CAMK1D: variants seen among roughly 807,000 people sequenced by gnomAD.
The protein encoded by CAMK1D is calcium/calmodulin-dependent protein kinase type 1D.
A neutral mutation model predicts 47.7 loss-of-function variants in CAMK1D; 9 were observed. That is an observed-to-expected ratio of 0.19 (90% CI 0.11 to 0.33). The LOEUF (loss-of-function observed/expected upper bound fraction) is 0.33. Ranked by LOEUF, CAMK1D falls within the 10% of genes least tolerant of loss-of-function variation. The pLI, the probability that CAMK1D is intolerant of heterozygous loss-of-function variation, is 1.00. For synonymous variants in CAMK1D, 184 were observed against 184.9 expected (o/e 0.99, Z 0.04); for missense variants, 291 against 488.7 (o/e 0.60, Z 3.81).
rs117899224 is a variant in CAMK1D, at chr10:12,431,698, A to C, written c.92+81788A>C. On this transcript the variant is annotated intron_variant, in intron 1 of 10. Transcript: ENST00000619168. ...GTTCCCTGCTTTAATAAAGCCTCTGATCTCACCCGCATGACCCGGTCTGAC... is the reference window on the plus strand; with the variant it reads ...GTTCCCTGCTTTAATAAAGCCTCTGCTCTCACCCGCATGACCCGGTCTGAC... Among the ~76,000 whole-genome samples, 354 of 152,246 alleles carry C rather than the reference A, an allele frequency of 2.3e-3. 5 individuals are homozygous for C. The highest frequency in any genetic ancestry group is 0.021 in the East Asian group (108 of 5,178).
intron 3 of CAMK1D, among the ~76,000 whole-genome samples, chr10:12,680,754 T>G (rs1441010805): frequency 2.6e-5 from 4 of 152,104 alleles, no homozygotes; most frequent in African/African-American, 9.7e-5. Flanking sequence ...CCCCTTTTGC[T>G]ACATCCGGAT....
chr10:12,799,378 A>T (rs1424128029), intron 6 of CAMK1D, among the ~76,000 whole-genome samples: 1 of 152,114 alleles, frequency 6.6e-6, no homozygotes. Flanking sequence ...GCAGATGCGT[A>T]ACTGCTTACC....
chr10:12,485,411 G>A (rs1834184993), intron 1 of CAMK1D, among the ~76,000 whole-genome samples: 1 of 152,160 alleles, frequency 6.6e-6, no homozygotes, highest in African/African-American at 2.4e-5. Flanking sequence ...GAAACAGGCA[G>A]CACAATGGTG....
At chr10:12,613,504 A>C (rs992176405) in intron 2 of CAMK1D, among the ~76,000 whole-genome samples, 2 of 152,250 alleles carry the variant, frequency 1.3e-5, no homozygotes, top group African/African-American at 4.8e-5. Flanking sequence ...TTGTCCATAC[A>C]GTGGTTGAGA....
chr10:12,734,443 CATATGTGTATATATACACAT>C (rs1320013945), intron 3 of CAMK1D, among the ~76,000 whole-genome samples: 10 of 5,268 alleles, frequency 1.9e-3, no homozygotes, highest in African/African-American at 2.3e-3. Context: ...TACACACACA[CATATGTGTATATATACACAT>C]ACACATATGT....
At chr10:12,481,060 T>G (rs1000472430) in intron 1 of CAMK1D, among the ~76,000 whole-genome samples, 4 of 152,146 alleles carry the variant, frequency 2.6e-5, no homozygotes, top group African/African-American at 9.7e-5. Context: ...TTTATAAAAC[T>G]AATGAAAGGC....
chr10:12,372,210 A>G (rs530513363), intron 1 of CAMK1D, among the ~76,000 whole-genome samples: 1 of 152,302 alleles, frequency 6.6e-6, no homozygotes, highest in African/African-American at 2.4e-5. Flanking sequence ...TAAAAGATGC[A>G]TTTCTCAGAA....
At chr10:12,605,972 A>C (rs1009711198) in intron 2 of CAMK1D, among the ~76,000 whole-genome samples, 1 of 152,234 alleles carries the variant, frequency 6.6e-6, no homozygotes, top group Non-Finnish European at 1.5e-5. Context: ...GCCACGGGGC[A>C]GAATTTGGCC....
intron 1 of CAMK1D, among the ~76,000 whole-genome samples, chr10:12,436,942 A>T (rs1307033558): frequency 6.6e-6 from 1 of 152,178 alleles, no homozygotes; most frequent in African/African-American, 2.4e-5. Flanking sequence ...GAGCAAAATC[A>T]GCACAGGGGA....
intron 3 of CAMK1D, among the ~76,000 whole-genome samples, chr10:12,735,334 C>G (rs890852903): frequency 2.6e-5 from 4 of 151,992 alleles, no homozygotes; most frequent in African/African-American, 9.7e-5. Flanking sequence ...AAAAATTAGC[C>G]GGGCGTGGTG....
intron 1 of CAMK1D, among the ~76,000 whole-genome samples, chr10:12,381,997 T>G (rs748724727): frequency 2.6e-5 from 4 of 152,212 alleles, no homozygotes; most frequent in Non-Finnish European, 4.4e-5. Context: ...TCCACACCAG[T>G]CCATTTTCCT....
chr10:12,726,443 A>G lies in CAMK1D; in HGVS notation c.300-34505A>G, dbSNP rs1251207765. Among the ~76,000 whole-genome samples, 7 of 152,012 alleles carry G rather than the reference A, an allele frequency of 4.6e-5. 1 individual carries two copies. The South Asian group carries it at 1.2e-3, about 27-fold the overall frequency. On this transcript the variant is annotated intron_variant, in intron 3 of 10. Coordinates refer to ENST00000619168, the MANE Select transcript of CAMK1D (RefSeq NM_153498.4). ...CTCAAAAAATAAAATAAATAAGTAA[A>G]AAAATTAAAAAAAGAAGGGAATACT...
intron 1 of CAMK1D, among the ~76,000 whole-genome samples, chr10:12,502,248 A>C (rs1004410639): frequency 1.3e-5 from 2 of 152,180 alleles, no homozygotes; most frequent in African/African-American, 2.4e-5. Context: ...AAGGTATTCA[A>C]TGGTGCTGGG....
intron 2 of CAMK1D, among the ~76,000 whole-genome samples, chr10:12,657,397 C>G (rs1840147838): frequency 6.7e-6 from 1 of 148,962 alleles, no homozygotes; most frequent in Admixed American, 6.7e-5. Context: ...TGCACTCCAG[C>G]CTAGTGATGG....
intron 6 of CAMK1D, among the ~76,000 whole-genome samples, chr10:12,810,151 T>TTAAAAAAA (rs1554829102): frequency 1.2e-4 from 10 of 81,418 alleles, no homozygotes; most frequent in African/African-American, 6.1e-4. Context: ...CCTGTCTCAT[T>TTAAAAAAA]AAAAAAAAAA....
intron 8 of CAMK1D, among the ~76,000 whole-genome samples, chr10:12,822,382 T>G (rs550940409): frequency 6.6e-6 from 1 of 152,322 alleles, no homozygotes; most frequent in East Asian, 1.9e-4. Context: ...CCCAGGACTG[T>G]GGGAAATGAG....
intron 1 of CAMK1D, among the ~76,000 whole-genome samples, chr10:12,373,857 T>C (rs12220877): frequency 0.34 from 50,296 of 148,674 alleles, 8,469 homozygotes; most frequent in Middle Eastern, 0.4. Flanking sequence ...GGCGGATCAC[T>C]GGAGGTCAGG....
intron 1 of CAMK1D, among the ~76,000 whole-genome samples, chr10:12,465,183 C>T (rs1833555019): frequency 6.6e-6 from 1 of 152,004 alleles, no homozygotes; most frequent in Admixed American, 6.6e-5. Context: ...CTCTGATAAG[C>T]GAAAATAAAA....
intron 1 of CAMK1D, among the ~76,000 whole-genome samples, chr10:12,441,379 T>C (rs1001388231): frequency 1.3e-5 from 2 of 152,060 alleles, no homozygotes; most frequent in African/African-American, 4.8e-5. Context: ...GTATTTTTTT[T>C]AGAGATGGGT....
Sources: gnomAD v4.1 joint callset for allele counts (sites outside exome capture counted in the v4.1 genomes callset) on GRCh38, gnomAD v4.1.1 for gene constraint, MANE v1.5 for transcripts, NCBI Gene and HGNC (gene_info 2026-07-23, HGNC 2026-07-21) for gene names.